The following DSCAM variants were observed in gnomAD, a reference collection of about 807,000 sequenced individuals.
The protein encoded by DSCAM is cell adhesion molecule DSCAM.
Under a neutral mutation model 217.7 loss-of-function variants are expected in DSCAM, and 47 were observed. The ratio of observed to expected loss-of-function variants is 0.22; its 90% CI spans 0.17 to 0.28. DSCAM has a LOEUF of 0.28. Ranked by LOEUF, DSCAM falls within the 10% of genes least tolerant of loss-of-function variation. DSCAM has a pLI of 1.00. For synonymous variants in DSCAM, 1,056 were observed against 1,015.3 expected, an observed-to-expected ratio of 1.04 and a Z score of -0.76; for missense variants, 2,080 against 2,618.3, an observed-to-expected ratio of 0.79 and a Z score of 4.49.
intron 3 of DSCAM, among the ~76,000 whole-genome samples, chr21:40,525,991 AG>A (rs1346425834): frequency 2.7e-5 from 4 of 145,644 alleles, no homozygotes; most frequent in African/African-American, 8.5e-5. Context: ...ACTGAACCCC[AG>A]TTTCCCACAC....
At chr21:40,293,516 A>G (rs372122858) in intron 10 of DSCAM, among the ~76,000 whole-genome samples, 84 of 152,322 alleles carry the variant, frequency 5.5e-4, no homozygotes, top group African/African-American at 1.9e-3. Flanking sequence ...ACCCTTGTGA[A>G]TTTAAGTGGC....
chr21:40,758,433 C>A (rs575507699), intron 1 of DSCAM, among the ~76,000 whole-genome samples: 1 of 147,140 alleles, frequency 6.8e-6, no homozygotes, highest in South Asian at 2.2e-4. Context: ...AGGAGAATGG[C>A]GTGAACCCGG....
chr21:40,832,144 GT>G (rs1448458854), intron 1 of DSCAM, among the ~76,000 whole-genome samples: 1 of 152,156 alleles, frequency 6.6e-6, no homozygotes, highest in African/African-American at 2.4e-5. Context: ...CAGAGGCGTA[GT>G]CCTCAGTCTG....
At chr21:40,591,759 A>G (rs1231740878) in intron 3 of DSCAM, among the ~76,000 whole-genome samples, 1 of 152,232 alleles carries the variant, frequency 6.6e-6, no homozygotes, top group African/African-American at 2.4e-5. Flanking sequence ...TCAATCCCTT[A>G]ACCATATGCC....
At chr21:40,672,476 T>TCA (rs1302255954) in intron 3 of DSCAM, among the ~76,000 whole-genome samples, 36 of 152,024 alleles carry the variant, frequency 2.4e-4, no homozygotes, top group Non-Finnish European at 5.3e-4. Context: ...AAGTCAGTGA[T>TCA]AAGTCTGACC....
intron 1 of DSCAM, among the ~76,000 whole-genome samples, chr21:40,830,960 T>C (rs899820911): frequency 6.6e-6 from 1 of 152,182 alleles, no homozygotes; most frequent in Non-Finnish European, 1.5e-5. Flanking sequence ...GTTTGTGAGG[T>C]GGCTGATTGG....
Position 40,347,914 on chromosome 21 carries a change from C to T in DSCAM, c.966G>A (p.Lys322=). Residue 322 remains lysine, a synonymous_variant, in exon 6 of 33, where the codon AAG becomes AAA. Transcript: ENST00000400454. ...CTTGGCTACCCACGCTGCTTTTAACCTTCCTGGGACTGATGGTGGCTTTCA... is the reference window on the plus strand; with the variant it reads ...CTTGGCTACCCACGCTGCTTTTAACTTTCCTGGGACTGATGGTGGCTTTCA... ...QPLKATISPR[K]VKSSVGSQVS... 1 of 1,613,438 alleles carries T rather than the reference C, an allele frequency of 6.2e-7. No homozygotes were observed. The highest frequency in any genetic ancestry group is 8.5e-7 in the Non-Finnish European group (1 of 1,179,498).
At chr21:40,105,903 A>T (rs2089813527) in intron 20 of DSCAM, among the ~76,000 whole-genome samples, 1 of 152,222 alleles carries the variant, frequency 6.6e-6, no homozygotes, top group Admixed American at 6.5e-5. Context: ...GTGATGAATC[A>T]CATTTATTGA....
intron 15 of DSCAM, among the ~76,000 whole-genome samples, chr21:40,176,420 G>C (rs1049976896): frequency 1.1e-4 from 16 of 152,066 alleles, no homozygotes; most frequent in Admixed American, 2.6e-4. Flanking sequence ...AGGAATAAGG[G>C]AACAGTGGGA....
chr21:40,542,309 T>C (rs1196517555), intron 3 of DSCAM, among the ~76,000 whole-genome samples: 1 of 152,236 alleles, frequency 6.6e-6, no homozygotes, highest in African/African-American at 2.4e-5. Flanking sequence ...GGTAACGATG[T>C]CACAAGAAAC....
At chr21:40,822,950 G>A (rs1424491275) in intron 1 of DSCAM, among the ~76,000 whole-genome samples, 1 of 152,128 alleles carries the variant, frequency 6.6e-6, no homozygotes, top group Non-Finnish European at 1.5e-5. Flanking sequence ...AAGAGTTGGA[G>A]ACCAGCTTGA....
rs149178766 is a variant in DSCAM at position 40,365,489 on chromosome 21, C to T, written c.655+3610G>A. Among the ~76,000 whole-genome samples, 319 of 152,264 alleles carry T rather than the reference C, an allele frequency of 2.1e-3. 1 individual carries two copies. Among genetic ancestry groups the T allele is most frequent in the African/African-American group, 7.3e-3 (303 of 41,554 alleles). The stretch of plus-strand genomic sequence containing the variant: ...ACTTTCTTTCTCCTCAGCTTGCAGA[C>T]GGCCTATTGTGGGACTTTACCTTGT... On this transcript the variant is annotated intron_variant, in intron 4 of 32. Transcript: ENST00000400454.
chr21:40,021,036 G>T (rs1314598971), intron 32 of DSCAM, among the ~76,000 whole-genome samples: 3 of 151,752 alleles, frequency 2.0e-5, no homozygotes, highest in Non-Finnish European at 2.9e-5. Flanking sequence ...CAGGGTCAGG[G>T]GAGGCTGAGA....
chr21:40,824,403 A>ATTTTTTTTTTTTTTTTTTTT lies in DSCAM; in HGVS notation c.43+22215_43+22216insAAAAAAAAAAAAAAAAAAAA, dbSNP rs536114434. On this transcript the variant is annotated intron_variant, in intron 1 of 32. Transcript: ENST00000400454. ...GCTCCCTATCCCATTTTTATTATTG[A>ATTTTTTTTTTTTTTTTTTTT]TTTTTTTTTTTTTTTTTGGAGACAG... Among the ~76,000 whole-genome samples the ATTTTTTTTTTTTTTTTTTTT allele has an allele frequency of 1.4e-4, 17 of 121,026 alleles. 1 individual carries two copies. The highest frequency in any genetic ancestry group is 3.8e-4 in the African/African-American group (11 of 28,708). The allele number at this position is 121,026 out of a possible 152,430, so 79.4% of individuals were successfully genotyped here.
intron 21 of DSCAM, among the ~76,000 whole-genome samples, chr21:40,093,048 G>A (rs2089631078): frequency 6.6e-6 from 1 of 152,056 alleles, no homozygotes; most frequent in Admixed American, 6.5e-5. Flanking sequence ...AAAATTAGGG[G>A]CAACTCCTGC....
chr21:40,664,185 A>G (rs926872051), intron 3 of DSCAM, among the ~76,000 whole-genome samples: 2 of 152,198 alleles, frequency 1.3e-5, no homozygotes, highest in Non-Finnish European at 2.9e-5. Context: ...ACGGCTGAGA[A>G]ATACCTTCCC....
intron 9 of DSCAM, among the ~76,000 whole-genome samples, chr21:40,302,525 C>A (rs868067607): frequency 2.0e-5 from 3 of 152,062 alleles, no homozygotes; most frequent in East Asian, 3.9e-4. Flanking sequence ...TAATACAGAG[C>A]GGTTTTTCTG....
chr21:40,127,608 T>TGTGTCCAA (rs1372939378), intron 19 of DSCAM, among the ~76,000 whole-genome samples: 1 of 152,214 alleles, frequency 6.6e-6, no homozygotes, highest in Non-Finnish European at 1.5e-5. Flanking sequence ...CTGTGTCTCA[T>TGTGTCCAA]GTGTCCAATT....
chr21:40,635,012 A>G (rs1289768629), intron 3 of DSCAM, among the ~76,000 whole-genome samples: 4 of 152,156 alleles, frequency 2.6e-5, no homozygotes, highest in Non-Finnish European at 5.9e-5. Context: ...TCTCTCTAAA[A>G]TTTTCTGTAG....
Sources: gnomAD v4.1 joint callset for allele counts (sites outside exome capture counted in the v4.1 genomes callset) on GRCh38, gnomAD v4.1.1 for gene constraint, MANE v1.5 for transcripts, NCBI Gene and HGNC (gene_info 2026-07-23, HGNC 2026-07-21) for gene names.